ZFAND3: variants seen among roughly 807,000 people sequenced by gnomAD.
ZFAND3 encodes AN1-type zinc finger protein 3.
ZFAND3 carries 10 observed loss-of-function variants against 29.6 expected under a neutral mutation model. That is an observed-to-expected ratio of 0.34 (90% CI 0.21 to 0.57). ZFAND3 has a LOEUF of 0.57. Among genes scored for constraint, ZFAND3 ranks in the 20% least tolerant of loss-of-function variants. The pLI is 0.86. For synonymous variants in ZFAND3, 128 were observed against 112.6 expected (o/e 1.14, Z -0.87); for missense variants, 230 against 304.5 (o/e 0.76, Z 1.82).
intron 2 of ZFAND3, among the ~76,000 whole-genome samples, chr6:37,975,939 G>A (rs1026948575): frequency 6.6e-6 from 1 of 152,120 alleles, no homozygotes; most frequent in Admixed American, 6.6e-5. Flanking sequence ...TTGTGGTTGG[G>A]ATTGCTGTGA....
intron 1 of ZFAND3, among the ~76,000 whole-genome samples, chr6:37,822,688 A>G (rs1763688644): frequency 6.6e-6 from 1 of 152,170 alleles, no homozygotes; most frequent in Non-Finnish European, 1.5e-5. Context: ...AGGTAGAGGA[A>G]AGTAGCCTGG....
intron 1 of ZFAND3, among the ~76,000 whole-genome samples, chr6:37,872,971 A>C (rs1218912619): frequency 6.6e-6 from 1 of 152,210 alleles, no homozygotes; most frequent in Non-Finnish European, 1.5e-5. Flanking sequence ...GCTTTTAGAA[A>C]ATTGGGGCCA....
chr6:37,953,441 C>CTTTTTTTTTTTTTT (rs35182018), intron 2 of ZFAND3, among the ~76,000 whole-genome samples: 9 of 106,212 alleles, frequency 8.5e-5, no homozygotes, highest in Non-Finnish European at 1.3e-4. Flanking sequence ...GCATAATTAT[C>CTTTTTTTTTTTTTT]TTTTTTTTTT....
chr6:38,112,811 G>T (rs1239681278), intron 4 of ZFAND3, among the ~76,000 whole-genome samples: 3 of 152,170 alleles, frequency 2.0e-5, no homozygotes, highest in Non-Finnish European at 2.9e-5. Flanking sequence ...TGGCACAAAG[G>T]TTTCATTAAC....
At chr6:38,022,546 CA>C (rs1033985732) in intron 2 of ZFAND3, among the ~76,000 whole-genome samples, 3 of 152,336 alleles carry the variant, frequency 2.0e-5, no homozygotes, top group African/African-American at 7.2e-5. Flanking sequence ...ACACGCTATA[CA>C]AAGTTTATAC....
chr6:38,153,504 A>AGGGACAGTGGGTTTGGATCTGTCT lies in ZFAND3; in HGVS notation c.*1116_*1139dup. 1.0e-6 allele frequency: 1 copy of AGGGACAGTGGGTTTGGATCTGTCT among 985,632 alleles called. No homozygotes were observed. Among genetic ancestry groups the AGGGACAGTGGGTTTGGATCTGTCT allele is most frequent in the African/African-American group, 1.7e-5 (1 of 57,378 alleles). 61.1% of individuals were successfully genotyped at this position (985,632 alleles called of 1,614,324 possible). On this transcript the variant is annotated 3_prime_UTR_variant, in exon 6 of 6. Transcript: ENST00000287218. ...AGTAAGGGAAGGCAGCATACGTCCC[A>AGGGACAGTGGGTTTGGATCTGTCT]GGGACAGTGGGTTTGGATCTGTCTA... is the stretch of plus-strand genomic sequence containing the variant.
At chr6:38,138,245 T>C (rs1562013362) in intron 5 of ZFAND3, among the ~76,000 whole-genome samples, 1 of 152,090 alleles carries the variant, frequency 6.6e-6, no homozygotes, top group Non-Finnish European at 1.5e-5. Flanking sequence ...TACATAAAAA[T>C]AGACAGTGGT....
chr6:37,874,593 T>C (rs1764759436), intron 1 of ZFAND3, among the ~76,000 whole-genome samples: 1 of 151,800 alleles, frequency 6.6e-6, no homozygotes, highest in African/African-American at 2.4e-5. Context: ...CCTAATGATC[T>C]CATTTTAACT....
chr6:37,960,461 A>G (rs1289660557), intron 2 of ZFAND3, among the ~76,000 whole-genome samples: 1 of 152,200 alleles, frequency 6.6e-6, no homozygotes, highest in African/African-American at 2.4e-5. Flanking sequence ...GGGGAGTACC[A>G]TCAGTGATGT....
intron 3 of ZFAND3, among the ~76,000 whole-genome samples, chr6:38,062,047 T>C (rs1764251616): frequency 6.6e-6 from 1 of 152,216 alleles, no homozygotes; most frequent in Non-Finnish European, 1.5e-5. Flanking sequence ...CTGGGGGTTT[T>C]TAAAACAATT....
intron 2 of ZFAND3, among the ~76,000 whole-genome samples, chr6:38,022,888 A>G (rs905326225): frequency 6.6e-6 from 1 of 152,178 alleles, no homozygotes; most frequent in East Asian, 1.9e-4. Flanking sequence ...AAGGACTCTT[A>G]GTATAGTTCA....
intron 2 of ZFAND3, among the ~76,000 whole-genome samples, chr6:38,018,196 T>C (rs2127446506): frequency 6.6e-6 from 1 of 152,320 alleles, no homozygotes; most frequent in African/African-American, 2.4e-5. Flanking sequence ...TCCATAATCT[T>C]TATTATAAAA....
intron 5 of ZFAND3, among the ~76,000 whole-genome samples, chr6:38,123,040 A>G (rs1445331756): frequency 6.6e-6 from 1 of 152,250 alleles, no homozygotes; most frequent in African/African-American, 2.4e-5. Context: ...GTTCGTTTAT[A>G]GTGAGAAGCC....
chr6:38,052,712 A>G (rs1023103565), intron 2 of ZFAND3, among the ~76,000 whole-genome samples: 2 of 152,176 alleles, frequency 1.3e-5, no homozygotes, highest in Admixed American at 1.3e-4. Context: ...ATGAGGATAA[A>G]AAAATCTCCC....
chr6:38,107,268 T>G (rs1271885034), intron 4 of ZFAND3, among the ~76,000 whole-genome samples: 2 of 152,208 alleles, frequency 1.3e-5, no homozygotes, highest in Non-Finnish European at 2.9e-5. Flanking sequence ...CTCTTAATGT[T>G]TGTGTAAGCA....
chr6:37,910,907 G>A (rs912778218), intron 1 of ZFAND3, among the ~76,000 whole-genome samples: 3 of 152,072 alleles, frequency 2.0e-5, no homozygotes, highest in East Asian at 1.9e-4. Context: ...ATAGTATTCC[G>A]TTGTGTTTAT....
intron 1 of ZFAND3, among the ~76,000 whole-genome samples, chr6:37,823,066 T>C (rs1464616304): frequency 6.6e-6 from 1 of 152,178 alleles, no homozygotes; most frequent in Non-Finnish European, 1.5e-5. Flanking sequence ...ATATCTTTAA[T>C]GTGAAAGACT....
intron 1 of ZFAND3, among the ~76,000 whole-genome samples, chr6:37,871,210 T>C (rs1764689833): frequency 6.6e-6 from 1 of 152,252 alleles, no homozygotes; most frequent in Admixed American, 6.5e-5. Context: ...GAATAGTATC[T>C]ATTCTAAGTT....
chr6:37,987,695 C>T (rs1354494756), intron 2 of ZFAND3, among the ~76,000 whole-genome samples: 3 of 152,168 alleles, frequency 2.0e-5, no homozygotes, highest in Non-Finnish European at 4.4e-5. Context: ...TTTCTGAGAT[C>T]ATTTGCTAGC....
Sources: gnomAD v4.1 joint callset for allele counts (sites outside exome capture counted in the v4.1 genomes callset) on GRCh38, gnomAD v4.1.1 for gene constraint, MANE v1.5 for transcripts, NCBI Gene and HGNC (gene_info 2026-07-23, HGNC 2026-07-21) for gene names.